The following MEIS1 variants were observed in gnomAD, a reference collection of about 807,000 sequenced individuals.
The protein encoded by MEIS1 is Meis homeobox 1, also known as homeobox protein Meis1.
In MEIS1, 5 loss-of-function variants were observed where a neutral mutation model predicts 50.8. The observed-to-expected ratio is 0.10, with a 90% CI of 0.05 to 0.21. The LOEUF (loss-of-function observed/expected upper bound fraction) is 0.21, where lower values mean the gene tolerates loss of function less well. Ranked by LOEUF, MEIS1 falls within the 10% of genes least tolerant of loss-of-function variation. The pLI, the probability that MEIS1 is intolerant of heterozygous loss-of-function variation, is 1.00. For synonymous variants in MEIS1, 176 were observed against 179.3 expected (o/e 0.98, Z 0.15); for missense variants, 318 against 517.3 (o/e 0.61, Z 3.74).
At chr2:66,527,744 A>G (rs1674291626) in intron 8 of MEIS1, among the ~76,000 whole-genome samples, 1 of 151,916 alleles carries the variant, frequency 6.6e-6, no homozygotes, top group South Asian at 2.1e-4. Context: ...CCATGATATG[A>G]TGACTTAATC....
chr2:66,522,970 C>G (rs1674162331), intron 8 of MEIS1, among the ~76,000 whole-genome samples: 1 of 152,192 alleles, frequency 6.6e-6, no homozygotes, highest in East Asian at 1.9e-4. Flanking sequence ...ATTTACCACC[C>G]TTTGCACACA....
At chr2:66,435,925 C>G in intron 1 of MEIS1, 57 bp downstream of exon 1, 1 of 1,477,680 alleles carries the variant, frequency 6.8e-7, no homozygotes, top group Non-Finnish European at 9.1e-7. Flanking sequence ...GAAACGTGGC[C>G]GAAAGACACT....
intron 9 of MEIS1, among the ~76,000 whole-genome samples, chr2:66,554,303 G>T (rs1674997791): frequency 6.6e-6 from 1 of 152,232 alleles, no homozygotes; most frequent in Non-Finnish European, 1.5e-5. Flanking sequence ...AATTAAGCCA[G>T]TCTTCTTGTT....
At chr2:66,455,681 C>A (rs1310669078) in intron 6 of MEIS1, among the ~76,000 whole-genome samples, 16 of 152,146 alleles carry the variant, frequency 1.1e-4, no homozygotes, top group Admixed American at 1.0e-3. Flanking sequence ...GGTCCCCACC[C>A]TCACTGCCTG....
intron 8 of MEIS1, among the ~76,000 whole-genome samples, chr2:66,527,454 G>C (rs753054343): frequency 2.6e-5 from 4 of 152,140 alleles, no homozygotes; most frequent in Non-Finnish European, 4.4e-5. Flanking sequence ...AGCCTCATCA[G>C]AGTCATGCCT....
intron 8 of MEIS1, among the ~76,000 whole-genome samples, chr2:66,540,360 G>A (rs1482474946): frequency 6.6e-6 from 1 of 152,194 alleles, no homozygotes; most frequent in Non-Finnish European, 1.5e-5. Context: ...ACAGGCTGGA[G>A]TGCAGTGGTG....
At chr2:66,486,591 G>T (rs963316492) in intron 7 of MEIS1, among the ~76,000 whole-genome samples, 2 of 151,994 alleles carry the variant, frequency 1.3e-5, no homozygotes, top group African/African-American at 4.8e-5. Context: ...GCTCTTTTTT[G>T]GTTCCATATG....
intron 6 of MEIS1, chr2:66,461,881 A>G (rs1390804696): frequency 2.1e-6 from 1 of 470,334 alleles, no homozygotes; most frequent in African/African-American, 2.0e-5. Flanking sequence ...AATGGTGATG[A>G]AAAAAGGTAG....
intron 7 of MEIS1, among the ~76,000 whole-genome samples, chr2:66,510,147 T>A (rs1192245581): frequency 6.6e-6 from 1 of 152,236 alleles, no homozygotes; most frequent in Non-Finnish European, 1.5e-5. Context: ...TGAGTTGTTT[T>A]CTTTTCTCAT....
chr2:66,437,692 C>T (rs1490230054), intron 1 of MEIS1, 45 bp from the exon 2 acceptor site: 2 of 1,588,386 alleles, frequency 1.3e-6, no homozygotes, highest in South Asian at 1.1e-5. Context: ...TCCCATTTGC[C>T]CGCCTGGCCT....
At position 66,568,601 on chromosome 2, in the gene MEIS1, T is replaced by C; in HGVS notation, c.1025-66T>C. ...TCTCTGGTATGTTCTCCTCTTAGTC[T>C]CTCTTGGGCTATTTCTTTTGCTCTC... On this transcript the variant is annotated intron_variant, in intron 10 of 12. Transcript: ENST00000272369. 6 of 1,206,438 alleles carry C rather than the reference T, an allele frequency of 5.0e-6. No individual in the cohort carries two copies. The South Asian group carries it at 7.3e-5, about 15-fold the overall frequency. The allele number at this position is 1,206,438 out of a possible 1,614,324, so 74.7% of individuals were successfully genotyped here.
In MEIS1 at chr2:66,512,184, A is replaced by G; in HGVS notation, c.778A>G (p.Thr260Ala). The G allele has an allele frequency of 6.2e-7, 1 of 1,608,572 alleles. No individual in the cohort carries two copies. The highest frequency in any genetic ancestry group is 8.5e-7 in the Non-Finnish European group (1 of 1,176,752). Residue 260 changes from threonine (T) to alanine (A), a missense_variant, in exon 8 of 13, where the codon ACA becomes GCA. Thr to Ala is a moderately conservative substitution (Grantham distance 58). This residue lies in a region of MEIS1 where 40 missense variants were observed against 102.8 expected (regional missense o/e 0.39). Coordinates refer to ENST00000272369, the MANE Select transcript of MEIS1 (RefSeq NM_002398.3). ...GLDNSVASPS[T>A]GDDDDPDKDK... ...GGACAACAGTGTAGCTTCCCCCAGC[A>G]CAGGTGACGATGATGACCCTGATAA...
At chr2:66,482,009 C>T (rs1036514281) in intron 7 of MEIS1, among the ~76,000 whole-genome samples, 1 of 109,560 alleles carries the variant, frequency 9.1e-6, no homozygotes, top group East Asian at 2.2e-4. Flanking sequence ...TGCACACCAC[C>T]ACACACCACA....
intron 3 of MEIS1, 101 bp downstream of exon 3, chr2:66,440,085 A>ACACACACACACACACC: frequency 4.6e-6 from 5 of 1,082,148 alleles, no homozygotes; most frequent in South Asian, 1.6e-5. Context: ...ACACACACAC[A>ACACACACACACACACC]CACACACGGC....
At chr2:66,502,242 A>G (rs1037532207) in intron 7 of MEIS1, among the ~76,000 whole-genome samples, 8 of 152,264 alleles carry the variant, frequency 5.3e-5, no homozygotes, top group Admixed American at 2.6e-4. Flanking sequence ...CTTCCCAAAT[A>G]TAGGCAGGGG....
At chr2:66,475,149 TAA>T (rs397839481) in intron 7 of MEIS1, among the ~76,000 whole-genome samples, 1 of 141,464 alleles carries the variant, frequency 7.1e-6, no homozygotes, top group African/African-American at 2.7e-5. Flanking sequence ...TATATATATA[TAA>T]ATATATGAAT....
chr2:66,485,261 C>A (rs1258282718), intron 7 of MEIS1, among the ~76,000 whole-genome samples: 1 of 152,028 alleles, frequency 6.6e-6, no homozygotes, highest in Non-Finnish European at 1.5e-5. Context: ...CCCCTTGCAC[C>A]CCACCCCGAC....
intron 1 of MEIS1, chr2:66,436,830 A>G: frequency 2.1e-6 from 2 of 966,010 alleles, no homozygotes; most frequent in Non-Finnish European, 2.5e-6. Flanking sequence ...CTAAATAGCT[A>G]AATTTCACAC....
intron 7 of MEIS1, among the ~76,000 whole-genome samples, chr2:66,507,097 A>G (rs1410961898): frequency 6.6e-6 from 1 of 152,220 alleles, no homozygotes; most frequent in Non-Finnish European, 1.5e-5. Flanking sequence ...AGATCATGCA[A>G]CAATATCCTA....
Sources: gnomAD v4.1 joint callset for allele counts (sites outside exome capture counted in the v4.1 genomes callset) on GRCh38, gnomAD v4.1.1 for gene constraint, gnomAD v4.1.1 regional missense constraint, MANE v1.5 for transcripts, NCBI Gene and HGNC (gene_info 2026-07-23, HGNC 2026-07-21) for gene names.